APBA1: variants seen among roughly 807,000 people sequenced by gnomAD.
APBA1 encodes amyloid beta precursor protein binding family A member 1, also known as amyloid-beta A4 precursor protein-binding family A member 1.
A neutral mutation model predicts 86.6 loss-of-function variants in APBA1; 55 were observed. The observed-to-expected ratio is 0.64, with a 90% CI of 0.51 to 0.80. The LOEUF (loss-of-function observed/expected upper bound fraction) is 0.80. APBA1 is among the 30% of genes least tolerant of loss of function. The probability of loss-of-function intolerance (pLI) is 0.00; values close to 1 mark genes in which losing one functional copy is unlikely to be tolerated. For synonymous variants in APBA1, 511 were observed against 493.9 expected (o/e 1.03, Z -0.46); for missense variants, 1,090 against 1,183.0 (o/e 0.92, Z 1.15).
intron 11 of APBA1, among the ~76,000 whole-genome samples, chr9:69,439,603 C>G (rs1272073303): frequency 6.6e-6 from 1 of 152,204 alleles, no homozygotes; most frequent in Admixed American, 6.5e-5. Flanking sequence ...GTGCATTTGT[C>G]ACATTCTTGT....
At chr9:69,531,609 A>C (rs1046172991) in intron 1 of APBA1, among the ~76,000 whole-genome samples, 4 of 152,228 alleles carry the variant, frequency 2.6e-5, no homozygotes, top group African/African-American at 9.6e-5. Context: ...CAGTTGCATG[A>C]CCACAGCTCA....
At position 69,517,055 on chromosome 9, in the gene APBA1, C is replaced by T. The variant is rs1484995730; in HGVS notation, c.156G>A (p.Gln52=). Residue 52 remains glutamine, a synonymous_variant, in exon 2 of 13, where the codon CAG becomes CAA. Transcript: ENST00000265381. The stretch of plus-strand genomic sequence containing the variant: ...GGAGGTCCTCGAGGGCTCGCCCGCG[C>T]TGGTGGCGGCCCACATAGTGCTGCT... ...PQQQHYVGRH[Q]RGRALEDLRA... 1.3e-6 allele frequency: 2 copies of T among 1,583,318 alleles called. No homozygotes were observed. The highest frequency in any genetic ancestry group is 8.5e-7 in the Non-Finnish European group (1 of 1,170,948).
At chr9:69,574,353 C>T (rs1238097206) in intron 1 of APBA1, among the ~76,000 whole-genome samples, 1 of 152,220 alleles carries the variant, frequency 6.6e-6, no homozygotes, top group Non-Finnish European at 1.5e-5. Flanking sequence ...GTGATTGCTT[C>T]TCCAACCAGT....
At chr9:69,474,497 C>G (rs1050328840) in intron 3 of APBA1, 1 of 152,210 alleles carries the variant, frequency 6.6e-6, no homozygotes. Flanking sequence ...GCTCAAGAAA[C>G]GATAGTGCTC....
At chr9:69,476,668 T>C (rs997034499) in intron 2 of APBA1, among the ~76,000 whole-genome samples, 1 of 152,240 alleles carries the variant, frequency 6.6e-6, no homozygotes, top group Non-Finnish European at 1.5e-5. Context: ...TTTTGTCTGA[T>C]TTAGTCTACA....
intron 1 of APBA1, among the ~76,000 whole-genome samples, chr9:69,636,933 A>AGG (rs1823186019): frequency 1.4e-5 from 2 of 140,812 alleles, no homozygotes; most frequent in Non-Finnish European, 3.1e-5. Flanking sequence ...GAAAGAAAGA[A>AGG]AGAAAGAAAG....
intron 2 of APBA1, among the ~76,000 whole-genome samples, chr9:69,503,435 A>G (rs1181372661): frequency 6.6e-6 from 1 of 151,984 alleles, no homozygotes; most frequent in Non-Finnish European, 1.5e-5. Flanking sequence ...AATTTTAGAT[A>G]TTATTTCCTG....
intron 1 of APBA1, among the ~76,000 whole-genome samples, chr9:69,586,075 C>T (rs1230034411): frequency 3.3e-5 from 5 of 152,194 alleles, no homozygotes. Flanking sequence ...AACTCCTGAA[C>T]CCTTACTGCA....
chr9:69,460,214 A>G (rs3897757), intron 5 of APBA1, among the ~76,000 whole-genome samples: 83,977 of 152,060 alleles, frequency 0.55, 24,835 homozygotes, highest in African/African-American at 0.77. Context: ...CAGGGCAACC[A>G]CACTCCCACA....
At chr9:69,615,704 A>T (rs990406864) in intron 1 of APBA1, among the ~76,000 whole-genome samples, 12 of 152,194 alleles carry the variant, frequency 7.9e-5, no homozygotes, top group African/African-American at 2.9e-4. Context: ...CATTGTTTTC[A>T]AGTTCTTATT....
At chr9:69,440,443 TCCCC>T (rs1564029433) in intron 11 of APBA1, among the ~76,000 whole-genome samples, 6,127 of 148,976 alleles carry the variant, frequency 0.041, 498 homozygotes, top group African/African-American at 0.15. Context: ...CGTTCGAGCT[TCCCC>T]GCTGCTTTGT....
At chr9:69,489,127 CTACTT>C (rs1248336433) in intron 2 of APBA1, among the ~76,000 whole-genome samples, 1 of 152,030 alleles carries the variant, frequency 6.6e-6, no homozygotes, top group Non-Finnish European at 1.5e-5. Flanking sequence ...TTGGAAAAAA[CTACTT>C]TAAAGTTCAT....
At chr9:69,634,386 T>G (rs1050681545) in intron 1 of APBA1, among the ~76,000 whole-genome samples, 1 of 152,170 alleles carries the variant, frequency 6.6e-6, no homozygotes, top group African/African-American at 2.4e-5. Flanking sequence ...TCGTTGCAAC[T>G]TGAGTTCCTG....
At chr9:69,595,905 G>A (rs971129369) in intron 1 of APBA1, among the ~76,000 whole-genome samples, 1 of 152,172 alleles carries the variant, frequency 6.6e-6, no homozygotes, top group African/African-American at 2.4e-5. Flanking sequence ...AGAGGGGAGG[G>A]AAGGCTGAAC....
chr9:69,618,725 A>G (rs1822756976), intron 1 of APBA1, among the ~76,000 whole-genome samples: 2 of 152,236 alleles, frequency 1.3e-5, no homozygotes, highest in Non-Finnish European at 1.5e-5. Flanking sequence ...GAATTCACTG[A>G]AACAAAGAGA....
rs190465630 is a variant in APBA1, at chr9:69,582,116, T to C, written c.-69-64837A>G. Among the ~76,000 whole-genome samples the C allele has an allele frequency of 3.3e-5, 5 of 152,352 alleles. 1 individual carries two copies. Among genetic ancestry groups the C allele is most frequent in the Admixed American group, 3.3e-4 (5 of 15,306 alleles). Reference sequence around the variant, plus strand: ...AATTTATTTACACAATTTACAATTATTTACTTCTCTTCTGAAAAGAGAAGC... The same window carrying C: ...AATTTATTTACACAATTTACAATTACTTACTTCTCTTCTGAAAAGAGAAGC... On this transcript the variant is annotated intron_variant, in intron 1 of 12. Coordinates refer to ENST00000265381, the MANE Select transcript of APBA1 (RefSeq NM_001163.4).
At chr9:69,653,957 A>G (rs562679830) in intron 1 of APBA1, among the ~76,000 whole-genome samples, 12 of 152,180 alleles carry the variant, frequency 7.9e-5, no homozygotes, top group African/African-American at 2.9e-4. Context: ...AAAGCCAGGC[A>G]TCTCCCGTGT....
chr9:69,475,208 A>C (rs1392179503), intron 3 of APBA1, among the ~76,000 whole-genome samples: 1 of 152,224 alleles, frequency 6.6e-6, no homozygotes, highest in Non-Finnish European at 1.5e-5. Context: ...GCATCTTCTC[A>C]CTGAAATGCT....
chr9:69,475,993 G>T, intron 3 of APBA1, 55 bp downstream of exon 3: 2 of 1,403,156 alleles, frequency 1.4e-6, no homozygotes, highest in Non-Finnish European at 2.0e-6. Context: ...GCACAGAACA[G>T]TATTAGAGTA....
Sources: allele counts gnomAD v4.1 joint callset (sites outside exome capture counted in the v4.1 genomes callset), GRCh38; gene constraint gnomAD v4.1.1; transcripts MANE v1.5; gene names NCBI Gene and HGNC (gene_info 2026-07-23, HGNC 2026-07-21).